Variants in CTNNA3 observed in about 807,000 individuals in gnomAD.
CTNNA3 encodes catenin alpha 3.
In CTNNA3, 76 loss-of-function variants were observed where a neutral mutation model predicts 95.7. The observed-to-expected ratio is 0.79, with a 90% CI of 0.66 to 0.96. The LOEUF (loss-of-function observed/expected upper bound fraction) is 0.96. Among genes scored for constraint, CTNNA3 ranks in the 40% least tolerant of loss-of-function variants. CTNNA3 has a pLI of 0.00. For missense variants in CTNNA3, 1,191 were observed against 1,089.8 expected (o/e 1.09, Z -1.31); for synonymous variants, 431 against 374.4 (o/e 1.15, Z -1.74).
At chr10:66,650,423 C>T (rs150622450) in intron 9 of CTNNA3, among the ~76,000 whole-genome samples, 78 of 152,144 alleles carry the variant, frequency 5.1e-4, no homozygotes, top group Middle Eastern at 3.4e-3. Context: ...TAACAACCAA[C>T]GAATCAAAGA....
At chr10:67,594,588 T>C (rs1842881865) in intron 3 of CTNNA3, among the ~76,000 whole-genome samples, 1 of 152,092 alleles carries the variant, frequency 6.6e-6, no homozygotes. Context: ...TTCTGTGAGG[T>C]TGATGGTAAT....
intron 7 of CTNNA3, among the ~76,000 whole-genome samples, chr10:66,843,820 G>A (rs756056973): frequency 1.6e-4 from 25 of 152,072 alleles, no homozygotes; most frequent in Non-Finnish European, 3.2e-4. Flanking sequence ...TTTTTGGAAC[G>A]TTGATTTGGT....
chr10:67,672,007 C>T (rs2133551845), intron 1 of CTNNA3, among the ~76,000 whole-genome samples: 1 of 152,156 alleles, frequency 6.6e-6, no homozygotes, highest in South Asian at 2.1e-4. Flanking sequence ...TTCTCCACAT[C>T]CTCTCCAGCA....
intron 3 of CTNNA3, among the ~76,000 whole-genome samples, chr10:67,546,597 A>C (rs1840850338): frequency 6.6e-6 from 1 of 152,216 alleles, no homozygotes; most frequent in Non-Finnish European, 1.5e-5. Context: ...AATAAAAAGA[A>C]AATAGTATGG....
At chr10:66,286,423 T>G (rs1221566546) in intron 12 of CTNNA3, among the ~76,000 whole-genome samples, 2 of 152,088 alleles carry the variant, frequency 1.3e-5, no homozygotes, top group African/African-American at 4.8e-5. Context: ...TAAATCTTCC[T>G]CTTTTAGAAT....
intron 10 of CTNNA3, among the ~76,000 whole-genome samples, chr10:66,539,332 T>C (rs113911208): frequency 0.011 from 1,738 of 152,204 alleles, 37 homozygotes; most frequent in African/African-American, 0.04. Context: ...CCAGTAAATC[T>C]ACATTTACAT....
chr10:67,506,069 A>C (rs1325586576), intron 5 of CTNNA3, among the ~76,000 whole-genome samples: 1 of 152,238 alleles, frequency 6.6e-6, no homozygotes, highest in Admixed American at 6.5e-5. Context: ...TGCAACTGTC[A>C]GTTGACCACA....
chr10:66,956,654 T>C (rs1848807649), intron 7 of CTNNA3, among the ~76,000 whole-genome samples: 1 of 152,216 alleles, frequency 6.6e-6, no homozygotes, highest in Admixed American at 6.5e-5. Flanking sequence ...TTCCTCTTAT[T>C]ATTTTTACCT....
At chr10:67,743,186 A>T (rs1022987653) in intron 1 of CTNNA3, among the ~76,000 whole-genome samples, 2 of 151,320 alleles carry the variant, frequency 1.3e-5, no homozygotes, top group African/African-American at 4.8e-5. Flanking sequence ...AAAGCCTGGC[A>T]GAGACACAAC....
At chr10:66,413,094 G>A (rs2093120707) in intron 11 of CTNNA3, among the ~76,000 whole-genome samples, 2 of 152,032 alleles carry the variant, frequency 1.3e-5, no homozygotes, top group Admixed American at 1.3e-4. Flanking sequence ...CAACTTATGA[G>A]TACTCTATCT....
intron 14 of CTNNA3, among the ~76,000 whole-genome samples, chr10:66,074,303 A>G (rs931119050): frequency 6.6e-6 from 1 of 151,914 alleles, no homozygotes; most frequent in Non-Finnish European, 1.5e-5. Context: ...GTTTTTGGCT[A>G]TGATAAATAA....
chr10:66,930,026 C>G (rs1367838112), intron 7 of CTNNA3, among the ~76,000 whole-genome samples: 1 of 151,872 alleles, frequency 6.6e-6, no homozygotes, highest in Non-Finnish European at 1.5e-5. Context: ...ACTGCAGCAA[C>G]AAAGAAAAAG....
intron 12 of CTNNA3, among the ~76,000 whole-genome samples, chr10:66,339,685 A>G (rs2092433516): frequency 6.6e-6 from 1 of 151,706 alleles, no homozygotes; most frequent in Admixed American, 6.6e-5. Context: ...CCCAATTCCT[A>G]TCTTTCCTGT....
upstream of CTNNA3, among the ~76,000 whole-genome samples, chr10:67,699,276 AT>A (rs1321428323): frequency 6.8e-6 from 1 of 147,274 alleles, no homozygotes; most frequent in African/African-American, 2.7e-5. Flanking sequence ...TGCCTTCATC[AT>A]AATACTTCCC....
chr10:66,081,974 T>C (rs10996882), intron 14 of CTNNA3, among the ~76,000 whole-genome samples: 24,486 of 151,676 alleles, frequency 0.16, 2,377 homozygotes, highest in South Asian at 0.35. Context: ...AAAAATTAGC[T>C]GGGCATGGTG....
intron 13 of CTNNA3, among the ~76,000 whole-genome samples, chr10:66,159,317 A>G (rs1391300439): frequency 2.0e-5 from 3 of 151,984 alleles, no homozygotes; most frequent in Non-Finnish European, 4.4e-5. Context: ...CTTTTATTAC[A>G]TTAAGGTATG....
intron 6 of CTNNA3, among the ~76,000 whole-genome samples, chr10:67,209,647 A>G (rs1864058983): frequency 6.6e-6 from 1 of 152,162 alleles, no homozygotes; most frequent in South Asian, 2.1e-4. Context: ...AATAAAACCT[A>G]TATTTTCTGA....
At chr10:67,026,085 A>G (rs1205575529) in intron 7 of CTNNA3, among the ~76,000 whole-genome samples, 1 of 143,490 alleles carries the variant, frequency 7.0e-6, no homozygotes, top group Non-Finnish European at 1.5e-5. Flanking sequence ...AGGAAGGGGA[A>G]CATCACACTC....
intron 14 of CTNNA3, among the ~76,000 whole-genome samples, chr10:66,096,118 A>T (rs1049969248): frequency 4.6e-5 from 7 of 152,194 alleles, no homozygotes; most frequent in Non-Finnish European, 8.8e-5. Context: ...TCTATTCATT[A>T]AACTCAATTC....
Sources: allele counts gnomAD v4.1 joint callset (sites outside exome capture counted in the v4.1 genomes callset), GRCh38; gene constraint gnomAD v4.1.1; transcripts MANE v1.5; gene names NCBI Gene and HGNC (gene_info 2026-07-23, HGNC 2026-07-21).